PXK: variants seen among roughly 807,000 people sequenced by gnomAD.
PXK encodes the protein PX domain containing serine/threonine kinase like.
In PXK, 35 loss-of-function variants were observed where a neutral mutation model predicts 84.7. The observed-to-expected ratio is 0.41, with a 90% confidence interval of 0.32 to 0.55. PXK has a LOEUF of 0.55. PXK is among the 20% of genes least tolerant of loss of function. PXK has a pLI of 0.21. For missense variants in PXK, 634 were observed against 699.7 expected (o/e 0.91, Z 1.06); for synonymous variants, 253 against 260.8 (o/e 0.97, Z 0.29).
At position 58,421,078 on chromosome 3, in the gene PXK, TGCCTGAA is replaced by T; in HGVS notation, c.1529-3670_1529-3664del. 1.0e-6 allele frequency: 1 copy of T among 993,462 alleles called. No individual in the cohort carries two copies. 61.5% of individuals were successfully genotyped at this position (993,462 alleles called of 1,614,324 possible). On this transcript the variant is annotated intron_variant, in intron 17 of 17. Coordinates refer to ENST00000356151, the MANE Select transcript of PXK (RefSeq NM_017771.5). This position sits in a 1 kb window ranked among gnomAD's most constrained non-coding sequence, Gnocchi z 5.5. ...GTGACAGGAGTACAGCCTCCTCACC[TGCCTGAA>T]GCCAAAGGAGAAGGTGGTTCTCCCG...
intron 7 of PXK, among the ~76,000 whole-genome samples, chr3:58,393,759 C>T (rs2098654589): frequency 6.6e-6 from 1 of 152,172 alleles, no homozygotes. Flanking sequence ...TGTGACACTA[C>T]ATATTCTGTT....
chr3:58,334,855 G>GA (rs1222252422), intron 1 of PXK, among the ~76,000 whole-genome samples: 3 of 151,968 alleles, frequency 2.0e-5, no homozygotes, highest in Non-Finnish European at 2.9e-5. Flanking sequence ...TGTAAACATT[G>GA]AAAAAATAAC....
chr3:58,364,167 A>G lies in PXK; in HGVS notation c.103-1707A>G, dbSNP rs2098234467. On this transcript the variant is annotated intron_variant, in intron 1 of 17. Coordinates refer to ENST00000356151, the MANE Select transcript of PXK (RefSeq NM_017771.5). This position sits in a 1 kb window ranked among gnomAD's most constrained non-coding sequence, Gnocchi z 4.3. ...TATTTTGGTAAGGATTTTTGAGCCT[A>G]TGTTTGTGAATGGTATTGATCTATA... 6.6e-6 allele frequency among the ~76,000 whole-genome samples: 1 copy of G among 152,128 alleles called. No homozygotes were observed. Among genetic ancestry groups the G allele is most frequent in the Non-Finnish European group, 1.5e-5 (1 of 68,026 alleles).
At chr3:58,418,617 T>TGTC (rs2061351638) in intron 17 of PXK, among the ~76,000 whole-genome samples, 1 of 151,806 alleles carries the variant, frequency 6.6e-6, no homozygotes, top group Non-Finnish European at 1.5e-5. Context: ...TCTTTGAGGC[T>TGTC]TTTAAAAGAC....
chr3:58,394,956 TC>T, intron 7 of PXK, 41 bp from the exon 8 acceptor site: 1 of 1,480,404 alleles, frequency 6.8e-7, no homozygotes, highest in Non-Finnish European at 9.4e-7. Context: ...AGGACCTAGA[TC>T]CTGACGCAAA....
chr3:58,337,755 C>T (rs2097649579), intron 1 of PXK, among the ~76,000 whole-genome samples: 1 of 152,130 alleles, frequency 6.6e-6, no homozygotes, highest in Non-Finnish European at 1.5e-5. Flanking sequence ...TAGGTGTGAG[C>T]CACTGTACCT....
At position 58,369,483 on chromosome 3, in the gene PXK, A is replaced by G; in HGVS notation, c.201+5A>G. 1 of 1,604,758 alleles carries G rather than the reference A, an allele frequency of 6.2e-7. No homozygotes were observed. ...TTGCTTAACAACAGCTTACAGGTAA[A>G]TGTTTTGAAATTCTAATTACACACA... On this transcript the variant is annotated splice_donor_5th_base_variant and intron_variant, in intron 3 of 17. Coordinates refer to ENST00000356151, the MANE Select transcript of PXK (RefSeq NM_017771.5).
Position 58,362,563 on chromosome 3 carries a change from C to A in PXK, c.103-3311C>A, listed in dbSNP as rs2098205732. 3.3e-5 allele frequency among the ~76,000 whole-genome samples: 5 copies of A among 152,320 alleles called. No individual in the cohort carries two copies. The South Asian group carries it at 1.0e-3, about 32-fold the overall frequency. ...CTCTATTGAATTGCCTTTGCACTTT[C>A]ATCAAAAATTTAATTAGGCATACTT... On this transcript the variant is annotated intron_variant, in intron 1 of 17. Transcript: ENST00000356151.
chr3:58,393,362 A>C (rs1036793002), intron 7 of PXK, among the ~76,000 whole-genome samples: 3 of 152,166 alleles, frequency 2.0e-5, no homozygotes, highest in Non-Finnish European at 4.4e-5. Flanking sequence ...AAAAGAAAGA[A>C]AAGAAAAGAA....
chr3:58,365,050 T>C (rs2098250111), intron 1 of PXK, among the ~76,000 whole-genome samples: 1 of 151,900 alleles, frequency 6.6e-6, no homozygotes, highest in African/African-American at 2.4e-5. Flanking sequence ...CTTCTTCTGC[T>C]TGCTTTGAGT....
Position 58,407,836 on chromosome 3 carries a change from C to T in PXK, c.1231-1088C>T, listed in dbSNP as rs1209736859. Reference sequence around the variant, plus strand: ...CCTCCCAAAGTATTGGGATTACAGGCGTGAGCCACCTTGCCCGGCTGCACC... The same window carrying T: ...CCTCCCAAAGTATTGGGATTACAGGTGTGAGCCACCTTGCCCGGCTGCACC... On this transcript the variant is annotated intron_variant, in intron 13 of 17. Coordinates refer to ENST00000356151, the MANE Select transcript of PXK (RefSeq NM_017771.5). The surrounding 1 kb of genome is among the most constrained non-coding windows in gnomAD (Gnocchi z 4.3). 2.6e-5 allele frequency among the ~76,000 whole-genome samples: 4 copies of T among 152,192 alleles called. No individual in the cohort carries two copies. Among genetic ancestry groups the T allele is most frequent in the East Asian group, 1.9e-4 (1 of 5,188 alleles).
chr3:58,423,561 C>T, intron 17 of PXK: 1 of 1,520,538 alleles, frequency 6.6e-7, no homozygotes, highest in African/African-American at 1.4e-5. Flanking sequence ...GATGTACTTA[C>T]CTGAGTATTG....
chr3:58,380,264 T>A (rs1468934142), intron 3 of PXK, among the ~76,000 whole-genome samples: 1 of 151,654 alleles, frequency 6.6e-6, no homozygotes, highest in East Asian at 2.0e-4. Flanking sequence ...CAACAAAAAA[T>A]GGATCAAGAA....
intron 1 of PXK, among the ~76,000 whole-genome samples, chr3:58,336,073 T>TA (rs61148829): frequency 0.089 from 2,658 of 29,722 alleles, 24 homozygotes; most frequent in Non-Finnish European, 0.11. Flanking sequence ...ATATATATAT[T>TA]TTTTTTTTTT....
intron 3 of PXK, 79 bp downstream of exon 3, chr3:58,369,557 G>C (rs2098332098): frequency 8.8e-7 from 1 of 1,131,938 alleles, no homozygotes; most frequent in African/African-American, 1.5e-5. Flanking sequence ...GGGCACGGTG[G>C]CTCAACGCCT....
chr3:58,390,561 G>C lies in PXK; in HGVS notation c.389-21G>C. On this transcript the variant is annotated intron_variant, in intron 4 of 17. Coordinates refer to ENST00000356151, the MANE Select transcript of PXK (RefSeq NM_017771.5). This position sits in a 1 kb window ranked among gnomAD's most constrained non-coding sequence, Gnocchi z 4.2. Reference sequence around the variant, plus strand: ...CTTTCCTGATATGTCTGACTAATGGGTTTCTAAAATGTCTTTGCAGAGATT... The same window carrying C: ...CTTTCCTGATATGTCTGACTAATGGCTTTCTAAAATGTCTTTGCAGAGATT... The C allele has an allele frequency of 6.2e-7, 1 of 1,603,044 alleles. No individual in the cohort carries two copies.
At position 58,364,547 on chromosome 3, in the gene PXK, G is replaced by A. The variant is rs796933813; in HGVS notation, c.103-1327G>A. Among the ~76,000 whole-genome samples the A allele has an allele frequency of 1.6e-4, 24 of 152,006 alleles. No individual in the cohort carries two copies. Among genetic ancestry groups the A allele is most frequent in the African/African-American group, 5.1e-4 (21 of 41,466 alleles). ...GCCAATATGGTGAAACCCCATCTCC[G>A]CTAAAAACACAAAAATTAGCCGGGA... On this transcript the variant is annotated intron_variant, in intron 1 of 17. Transcript: ENST00000356151. The surrounding 1 kb of genome is among the most constrained non-coding windows in gnomAD (Gnocchi z 4.3).
chr3:58,423,006 G>A (rs2062158522), intron 17 of PXK: 1 of 985,256 alleles, frequency 1.0e-6, no homozygotes, highest in African/African-American at 1.7e-5. Flanking sequence ...TATTGGGTGG[G>A]AGGGTGCTGG....
At position 58,397,715 on chromosome 3, in the gene PXK, G is replaced by A; in HGVS notation, c.1095G>A (p.Met365Ile). ...PVDSFPPAPS[M>I]AVVAVLESTL... ...ACTCCTTCCCTCCTGCCCCGTCCAT[G>A]GCTGTGGGTCAGTATGGGGTTGGGA... is the stretch of plus-strand genomic sequence containing the variant. Residue 365 changes from methionine to isoleucine, a missense_variant, in exon 11 of 18, where the codon ATG (methionine) becomes ATA (isoleucine). By Grantham distance (10) the Met-to-Ile change is conservative (BLOSUM62 1). This residue lies in a region of PXK where 273 missense variants were observed against 283.6 expected (regional missense o/e 0.96). Transcript: ENST00000356151. The surrounding 1 kb of genome is among the most constrained non-coding windows in gnomAD (Gnocchi z 4.7). 6.2e-7 allele frequency: 1 copy of A among 1,612,846 alleles called. No individual in the cohort carries two copies. The highest frequency in any genetic ancestry group is 8.5e-7 in the Non-Finnish European group (1 of 1,178,882).
Sources: gnomAD v4.1 joint callset for allele counts (sites outside exome capture counted in the v4.1 genomes callset) on GRCh38, gnomAD v4.1.1 for gene constraint, gnomAD v4.1.1 regional missense constraint, Gnocchi (gnomAD v3.1) non-coding constraint, MANE v1.5 for transcripts, NCBI Gene and HGNC (gene_info 2026-07-23, HGNC 2026-07-21) for gene names.